The following STIM1 variants were observed in gnomAD, a reference collection of about 807,000 sequenced individuals.
STIM1 encodes the protein stromal interaction molecule 1.
In STIM1, 25 loss-of-function variants were observed where a neutral mutation model predicts 74.7. The ratio of observed to expected loss-of-function variants is 0.33; its 90% CI spans 0.24 to 0.47. STIM1 has a LOEUF of 0.47. STIM1 is among the 20% of genes least tolerant of loss of function. The probability of loss-of-function intolerance (pLI) is 1.00; values close to 1 mark genes in which losing one functional copy is unlikely to be tolerated. For synonymous variants in STIM1, 328 were observed against 348.8 expected, an observed-to-expected ratio of 0.94 and a Z score of 0.66; for missense variants, 728 against 920.8, an observed-to-expected ratio of 0.79 and a Z score of 2.71.
intron 2 of STIM1, among the ~76,000 whole-genome samples, chr11:3,968,935 G>C (rs779224527): frequency 2.3e-4 from 35 of 152,274 alleles, no homozygotes; most frequent in Non-Finnish European, 4.7e-4. Flanking sequence ...GCCTTAGAAA[G>C]GTTAAGCATT....
intron 1 of STIM1, among the ~76,000 whole-genome samples, chr11:3,909,015 G>A (rs536569479): frequency 6.6e-5 from 10 of 152,202 alleles, no homozygotes; most frequent in Non-Finnish European, 1.5e-4. Context: ...TACCACCCCA[G>A]AGAAAGACCT....
At chr11:3,857,170 T>C (rs1043578998) in intron 1 of STIM1, among the ~76,000 whole-genome samples, 1 of 148,160 alleles carries the variant, frequency 6.7e-6, no homozygotes. Flanking sequence ...TGATCTGTCA[T>C]GGTTTTTCCT....
chr11:3,926,017 T>A (rs7926908), intron 1 of STIM1, among the ~76,000 whole-genome samples: 141,494 of 152,256 alleles, frequency 0.93, 65,779 homozygotes, highest in South Asian at 0.95. Flanking sequence ...AATATAGCTC[T>A]CAGAGAGCTC....
chr11:3,943,125 C>T (rs1412561276), intron 1 of STIM1, among the ~76,000 whole-genome samples: 4 of 152,238 alleles, frequency 2.6e-5, no homozygotes, highest in Non-Finnish European at 4.4e-5. Context: ...TGTGCATGCT[C>T]AGCCTTCTGC....
At chr11:3,861,198 G>A (rs755245487) in intron 1 of STIM1, among the ~76,000 whole-genome samples, 3 of 151,924 alleles carry the variant, frequency 2.0e-5, no homozygotes, top group Non-Finnish European at 4.4e-5. Flanking sequence ...CCCATAGGTA[G>A]GAAGATTGCA....
rs1376924091 is a variant in STIM1, at chr11:3,941,223, A to C, written c.140-26329A>C. Reference sequence around the variant, plus strand: ...ACTCTGATAATTAAACAGAACAAAAATGGTCCACTGACTGAGGGATTGATA... The same window carrying C: ...ACTCTGATAATTAAACAGAACAAAACTGGTCCACTGACTGAGGGATTGATA... On this transcript the variant is annotated intron_variant, in intron 1 of 12. Transcript: ENST00000526596. 2.0e-5 allele frequency among the ~76,000 whole-genome samples: 3 copies of C among 152,222 alleles called. No homozygotes were observed. The South Asian group carries it at 6.2e-4, about 31-fold the overall frequency.
chr11:3,896,136 T>C (rs75273068), intron 1 of STIM1, among the ~76,000 whole-genome samples: 7,464 of 151,894 alleles, frequency 0.049, 413 homozygotes, highest in East Asian at 0.24. Context: ...GATCTCCTGA[T>C]CTCGTGATCC....
intron 2 of STIM1, chr11:3,989,416 T>C: frequency 1.4e-6 from 1 of 740,156 alleles, no homozygotes; most frequent in South Asian, 1.4e-5. Context: ...CCTCTTGGGC[T>C]CTTCCTTGGC....
At position 4,083,371 on chromosome 11, in the gene STIM1, A is replaced by C. The variant is rs765057580; in HGVS notation, c.1347A>C (p.Ser449=). ...FQIVNNPGIH[S]LVAALNIDPS... is the part of the protein sequence containing the mutation. ...TTGTCAACAACCCTGGCATCCACTCACTGGTGGCTGCCCTCAACATAGACC... is the reference window on the plus strand; with the variant it reads ...TTGTCAACAACCCTGGCATCCACTCCCTGGTGGCTGCCCTCAACATAGACC... Residue 449 remains serine (S), a synonymous_variant, in exon 10 of 13, where the codon TCA becomes TCC. Coordinates refer to ENST00000526596, the MANE Select transcript of STIM1 (RefSeq NM_001382567.1). 6.2e-7 allele frequency: 1 copy of C among 1,614,188 alleles called. No individual in the cohort carries two copies.
intron 2 of STIM1, among the ~76,000 whole-genome samples, chr11:3,970,528 T>C (rs1054211439): frequency 1.3e-5 from 2 of 149,290 alleles, no homozygotes; most frequent in Non-Finnish European, 3.0e-5. Flanking sequence ...CTTTTGGCCA[T>C]TGAGGACCTG....
At chr11:3,984,851 A>AT (rs1590623344) in intron 2 of STIM1, among the ~76,000 whole-genome samples, 2 of 152,202 alleles carry the variant, frequency 1.3e-5, no homozygotes, top group East Asian at 3.8e-4. Context: ...GAGAGACACA[A>AT]TTATGTAAAC....
chr11:3,947,417 A>C (rs2093091346), intron 1 of STIM1: 1 of 152,172 alleles, frequency 6.6e-6, no homozygotes, highest in Non-Finnish European at 1.5e-5. Flanking sequence ...CTCCCTTCTC[A>C]GGGTTCAATT....
intron 3 of STIM1, among the ~76,000 whole-genome samples, chr11:4,048,873 A>G (rs941578058): frequency 1.3e-5 from 2 of 152,158 alleles, no homozygotes; most frequent in African/African-American, 4.8e-5. Context: ...AGCTGAGATT[A>G]TAGGTGCCCG....
intron 1 of STIM1, among the ~76,000 whole-genome samples, chr11:3,953,750 CA>C (rs2093177292): frequency 6.6e-6 from 1 of 150,936 alleles, no homozygotes; most frequent in South Asian, 2.1e-4. Flanking sequence ...GGAGTTTTTG[CA>C]AGATCGGTAT....
chr11:3,882,497 A>G (rs1170696990), intron 1 of STIM1, among the ~76,000 whole-genome samples: 2 of 152,018 alleles, frequency 1.3e-5, no homozygotes, highest in African/African-American at 2.4e-5. Flanking sequence ...GGCTGTTTCC[A>G]CCTTTTGGCT....
At chr11:4,054,281 G>T (rs896934614) in intron 3 of STIM1, among the ~76,000 whole-genome samples, 2 of 152,118 alleles carry the variant, frequency 1.3e-5, no homozygotes, top group Admixed American at 1.3e-4. Flanking sequence ...CCTGAGTTAG[G>T]CTTATCCCAG....
Position 4,083,533 on chromosome 11 carries a change from C to A in STIM1, c.1474+35C>A, listed in dbSNP as rs759548741. ...CTCTTTGCGGGGATGAAGGAAGGAG[C>A]CTTTGATGTACAGGTTGAGAAGTCT... On this transcript the variant is annotated intron_variant, in intron 10 of 12. Coordinates refer to ENST00000526596, the MANE Select transcript of STIM1 (RefSeq NM_001382567.1). 5 of 1,577,578 alleles carry A rather than the reference C, an allele frequency of 3.2e-6. No homozygotes were observed. The South Asian group carries it at 5.7e-5, about 18-fold the overall frequency.
At chr11:3,870,160 G>C (rs1444876900) in intron 1 of STIM1, among the ~76,000 whole-genome samples, 1 of 152,134 alleles carries the variant, frequency 6.6e-6, no homozygotes, top group East Asian at 1.9e-4. Context: ...TGAGTTTTCT[G>C]GGGTCCAAAG....
At chr11:3,997,760 A>G (rs2093676012) in intron 2 of STIM1, among the ~76,000 whole-genome samples, 2 of 152,220 alleles carry the variant, frequency 1.3e-5, no homozygotes, top group South Asian at 2.1e-4. Context: ...GGAAGTGGCA[A>G]CTGATGCACT....
Sources: allele counts gnomAD v4.1 joint callset (sites outside exome capture counted in the v4.1 genomes callset), GRCh38; gene constraint gnomAD v4.1.1; transcripts MANE v1.5; gene names NCBI Gene and HGNC (gene_info 2026-07-23, HGNC 2026-07-21).